Variants in ACOX2 observed in about 807,000 individuals in gnomAD.
The protein encoded by ACOX2 is peroxisomal acyl-coenzyme A oxidase 2.
ACOX2 carries 59 observed loss-of-function variants against 77.5 expected under a neutral mutation model. The observed-to-expected ratio is 0.76, with a 90% CI of 0.62 to 0.95. The LOEUF is 0.95. Among genes scored for constraint, ACOX2 ranks in the 40% least tolerant of loss-of-function variants. The pLI is 0.00. For synonymous variants in ACOX2, 317 were observed against 340.1 expected (o/e 0.93, Z 0.75); for missense variants, 837 against 880.4 (o/e 0.95, Z 0.62).
At chr3:58,536,549 G>GC (rs548456257) in intron 1 of ACOX2, among the ~76,000 whole-genome samples, 275 of 152,188 alleles carry the variant, frequency 1.8e-3, no homozygotes, top group African/African-American at 6.4e-3. Context: ...CCCATCCTCT[G>GC]CCCCCCGGAG....
In ACOX2 at chr3:58,512,382, G is replaced by C. The variant is rs2063294594; in HGVS notation, c.1851-3357C>G. Among the ~76,000 whole-genome samples, 1 of 152,216 alleles carries C rather than the reference G, an allele frequency of 6.6e-6. No individual in the cohort carries two copies. Among genetic ancestry groups the C allele is most frequent in the Non-Finnish European group, 1.5e-5 (1 of 68,046 alleles). ...GGATGATTGCATTAGCGATCCAGCT[G>C]ATCTCCCTGCTTTTCACTCTTAGTT... On this transcript the variant is annotated intron_variant, in intron 13 of 14. Coordinates refer to ENST00000302819, the MANE Select transcript of ACOX2 (RefSeq NM_003500.4). The surrounding 1 kb of genome is among the most constrained non-coding windows in gnomAD (Gnocchi z 4.8).
intron 12 of ACOX2, 83 bp from the exon 13 acceptor site, chr3:58,517,506 A>C: frequency 7.3e-7 from 1 of 1,374,872 alleles, no homozygotes; most frequent in Non-Finnish European, 1.0e-6. Flanking sequence ...AGATGGCTGG[A>C]ATAAACTTGA....
rs142945476 is a variant in ACOX2 at position 58,535,003 on chromosome 3, C to T, written c.104G>A (p.Arg35Gln). 245 of 1,614,184 alleles carry T rather than the reference C, an allele frequency of 1.5e-4. 1 individual carries two copies. The African/African-American group carries it at 1.6e-3, about 10-fold the overall frequency. Reference protein sequence around the residue: ...ERYMQSFDVERLTNILDGGAQ... With the variant: ...ERYMQSFDVEQLTNILDGGAQ... Reference sequence around the variant, plus strand: ...ACCTCCATCAAGGATGTTGGTGAGCCGTTCCACGTCAAAGGACTGCATATA... The same window carrying T: ...ACCTCCATCAAGGATGTTGGTGAGCTGTTCCACGTCAAAGGACTGCATATA... The change falls in exon 2 of 15, where the codon CGG becomes CAG. Residue 35 changes from arginine to glutamine, a missense_variant. By Grantham distance (43) the Arg-to-Gln change is conservative. Transcript: ENST00000302819. This position sits in a 1 kb window ranked among gnomAD's most constrained non-coding sequence, Gnocchi z 4.8.
chr3:58,510,865 C>A, intron 13 of ACOX2: 1 of 409,354 alleles, frequency 2.4e-6, no homozygotes, highest in East Asian at 7.2e-5. Flanking sequence ...ACAATCATAA[C>A]TGGTGTAATA....
In ACOX2 at chr3:58,522,667, T is replaced by C. The variant is rs935838577; in HGVS notation, c.1527-66A>G. 186 of 1,402,994 alleles carry C rather than the reference T, an allele frequency of 1.3e-4. 1 individual carries two copies. The highest frequency in any genetic ancestry group is 2.3e-5 in the Non-Finnish European group (23 of 988,782). The allele number at this position is 1,402,994 out of a possible 1,614,324, so 86.9% of individuals were successfully genotyped here. A position where few individuals can be genotyped will look rare whatever the true frequency, so the allele number is the denominator to read the frequency against. Reference sequence around the variant, plus strand: ...TGGAAAAGACAACTGATGGGCTTCCTGTGGTCCCTCAGAAGTAGAAATAAT... The same window carrying C: ...TGGAAAAGACAACTGATGGGCTTCCCGTGGTCCCTCAGAAGTAGAAATAAT... On this transcript the variant is annotated intron_variant, in intron 11 of 14. Transcript: ENST00000302819. This position sits in a 1 kb window ranked among gnomAD's most constrained non-coding sequence, Gnocchi z 4.3.
intron 12 of ACOX2, among the ~76,000 whole-genome samples, chr3:58,517,844 G>T (rs1289226456): frequency 2.0e-5 from 3 of 152,104 alleles, no homozygotes; most frequent in Admixed American, 6.5e-5. Context: ...GGAGGCCAAG[G>T]TGGGTGGATC....
rs987637652 is a variant in ACOX2 at position 58,514,691 on chromosome 3, G to A, written c.1850+2515C>T. ...GAGTAAGTTGGCAGATTGCATCTGG[G>A]CTGTCTGTCTTGTCTTGAATTGTAA... On this transcript the variant is annotated intron_variant, in intron 13 of 14. Coordinates refer to ENST00000302819, the MANE Select transcript of ACOX2 (RefSeq NM_003500.4). This position sits in a 1 kb window ranked among gnomAD's most constrained non-coding sequence, Gnocchi z 4.3. Among the ~76,000 whole-genome samples the A allele has an allele frequency of 6.6e-6, 1 of 152,216 alleles. No homozygotes were observed. Among genetic ancestry groups the A allele is most frequent in the African/African-American group, 2.4e-5 (1 of 41,446 alleles).
At position 58,515,127 on chromosome 3, in the gene ACOX2, G is replaced by A. The variant is rs1219229467; in HGVS notation, c.1850+2079C>T. On this transcript the variant is annotated intron_variant, in intron 13 of 14. Coordinates refer to ENST00000302819, the MANE Select transcript of ACOX2 (RefSeq NM_003500.4). The surrounding 1 kb of genome is among the most constrained non-coding windows in gnomAD (Gnocchi z 4.0). ...CAGCCTCTGCCTCCCGGGTTCAAGC[G>A]ATTCTGCCTCAGCCTCCCAAGTAAC... is the stretch of plus-strand genomic sequence containing the variant. 1.3e-5 allele frequency among the ~76,000 whole-genome samples: 2 copies of A among 151,998 alleles called. No homozygotes were observed. The highest frequency in any genetic ancestry group is 2.4e-5 in the African/African-American group (1 of 41,380).
In ACOX2 at chr3:58,508,922, A is replaced by T. The variant is rs1410605029; in HGVS notation, c.1954T>A (p.Trp652Arg). The change falls in exon 14 of 15, where the codon TGG (tryptophan) becomes AGG (arginine). Residue 652 changes from tryptophan to arginine, a missense_variant. By Grantham distance (101) the Trp-to-Arg change is moderately radical. Transcript: ENST00000302819. ...DGNVYERLFQ[W>R]AQKSPTNTQE... ...GTATTGGTTGGTGACTTCTGAGCCC[A>T]CTGGAACAGGCGTTCGTAGACGTTT... is the stretch of plus-strand genomic sequence containing the variant. 1.9e-6 allele frequency: 3 copies of T among 1,614,216 alleles called. No homozygotes were observed. In the South Asian group the frequency reaches 3.3e-5, roughly 18 times the overall value.
intron 12 of ACOX2, among the ~76,000 whole-genome samples, chr3:58,518,164 G>C (rs545897928): frequency 2.0e-5 from 3 of 151,808 alleles, no homozygotes; most frequent in Non-Finnish European, 4.4e-5. Context: ...GTGTGTGTGC[G>C]TGCACATGTG....
chr3:58,534,107 A>C lies in ACOX2; in HGVS notation c.362T>G (p.Val121Gly). Residue 121 changes from valine (V) to glycine (G), a missense_variant, in exon 4 of 15, where the codon GTC becomes GGC. Coordinates refer to ENST00000302819, the MANE Select transcript of ACOX2 (RefSeq NM_003500.4). The surrounding 1 kb of genome is among the most constrained non-coding windows in gnomAD (Gnocchi z 4.8). The stretch of plus-strand genomic sequence containing the variant: ...CAGGCTCCTGAGGGCTCTCACGAAG[A>C]CTCTGTGTATATTTAAGGCCACGTC... ...SGDVALNIHR[V>G]FVRALRSLGS... The C allele has an allele frequency of 6.2e-7, 1 of 1,613,876 alleles. No homozygotes were observed. The highest frequency in any genetic ancestry group is 8.5e-7 in the Non-Finnish European group (1 of 1,179,964).
Position 58,535,119 on chromosome 3 carries a change from C to T in ACOX2, c.-13G>A. ...CTGGGCTGCCCATCCTATCCTGGATCTGTCTGGTGACTATGGAGAGACACT... is the reference window on the plus strand; with the variant it reads ...CTGGGCTGCCCATCCTATCCTGGATTTGTCTGGTGACTATGGAGAGACACT... On this transcript the variant is annotated 5_prime_UTR_variant, in exon 2 of 15. Transcript: ENST00000302819. This position sits in a 1 kb window ranked among gnomAD's most constrained non-coding sequence, Gnocchi z 4.8. The T allele has an allele frequency of 6.2e-7, 1 of 1,614,172 alleles. No individual in the cohort carries two copies. The highest frequency in any genetic ancestry group is 1.1e-5 in the South Asian group (1 of 91,072).
In ACOX2 at chr3:58,508,541, C is replaced by T. The variant is rs558400806; in HGVS notation, c.1983+352G>A. On this transcript the variant is annotated intron_variant, in intron 14 of 14. Coordinates refer to ENST00000302819, the MANE Select transcript of ACOX2 (RefSeq NM_003500.4). ...GCTGAAAATAAGGTGGTTCAATTAC[C>T]GCAGTGATTTATCTCCTTCTTTTTG... Among the ~76,000 whole-genome samples the T allele has an allele frequency of 3.3e-5, 5 of 152,248 alleles. No individual in the cohort carries two copies. The South Asian group carries it at 1.0e-3, about 32-fold the overall frequency.
chr3:58,514,965 C>T lies in ACOX2; in HGVS notation c.1850+2241G>A, dbSNP rs539440187. ...TCCCTGTATTAGGGAAAGTTTTATA[C>T]CTGGGACATAATTGTGTCAAACGTA... On this transcript the variant is annotated intron_variant, in intron 13 of 14. Transcript: ENST00000302819. This position sits in a 1 kb window ranked among gnomAD's most constrained non-coding sequence, Gnocchi z 4.3. Among the ~76,000 whole-genome samples, 1 of 152,216 alleles carries T rather than the reference C, an allele frequency of 6.6e-6. No homozygotes were observed. Among genetic ancestry groups the T allele is most frequent in the East Asian group, 1.9e-4 (1 of 5,188 alleles).
In ACOX2 at chr3:58,530,608, C is replaced by A. The variant is rs143508132; in HGVS notation, c.850G>T (p.Gly284Cys). 5 of 1,614,016 alleles carry A rather than the reference C, an allele frequency of 3.1e-6. No individual in the cohort carries two copies. Among genetic ancestry groups the A allele is most frequent in the Non-Finnish European group, 8.5e-7 (1 of 1,180,024 alleles). Reference sequence around the variant, plus strand: ...GGAAGGTAGTTGCTCTGTGCTGTACCGAGTTTGACGTAGGTGCCATCTGGC... The same window carrying A: ...GGAAGGTAGTTGCTCTGTGCTGTACAGAGTTTGACGTAGGTGCCATCTGGC... ...VLPDGTYVKLGTAQSNYLPMV... is the reference protein window; with the variant it reads ...VLPDGTYVKLCTAQSNYLPMV... The change falls in exon 8 of 15, where the codon GGT becomes TGT. Residue 284 changes from glycine to cysteine, a missense_variant. Gly to Cys is a radical substitution (Grantham distance 159). Coordinates refer to ENST00000302819, the MANE Select transcript of ACOX2 (RefSeq NM_003500.4).
chr3:58,530,762 T>G, intron 7 of ACOX2, 124 bp from the exon 8 acceptor site: 1 of 1,240,590 alleles, frequency 8.1e-7, no homozygotes, highest in Non-Finnish European at 1.1e-6. Context: ...CATCTGGAGT[T>G]GGAGTGTTAA....
In ACOX2 at chr3:58,530,506, G is replaced by A. The variant is rs201115263; in HGVS notation, c.952C>T (p.Arg318Cys). Residue 318 changes from arginine (R) to cysteine (C), a missense_variant, in exon 8 of 15, where the codon CGC becomes TGC. Arg to Cys is a radical substitution (Grantham distance 180). Transcript: ENST00000302819. ...GATTGGCGGCGGATGACCGAGTAGC[G>A]CATGGCGATGACACAGGCCTTCTGC... ...ILQKACVIAMRYSVIRRQSRL... is the reference protein window; with the variant it reads ...ILQKACVIAMCYSVIRRQSRL... 14 of 1,614,248 alleles carry A rather than the reference G, an allele frequency of 8.7e-6. No individual in the cohort carries two copies. The highest frequency in any genetic ancestry group is 3.3e-5 in the Admixed American group (2 of 60,034).
Position 58,531,481 on chromosome 3 carries a change from T to A in ACOX2, c.704-115A>T. 1 of 1,237,036 alleles carries A rather than the reference T, an allele frequency of 8.1e-7. No homozygotes were observed. The highest frequency in any genetic ancestry group is 1.4e-5 in the South Asian group (1 of 69,794). 76.6% of individuals were successfully genotyped at this position (1,237,036 alleles called of 1,614,324 possible). A position where few individuals can be genotyped will look rare whatever the true frequency, so the allele number is the denominator to read the frequency against. Reference sequence around the variant, plus strand: ...CCTGTGACACTGGGATTATTGTACCTATTTTGCAGGTGAACAAGCTGAGGT... The same window carrying A: ...CCTGTGACACTGGGATTATTGTACCAATTTTGCAGGTGAACAAGCTGAGGT... On this transcript the variant is annotated intron_variant, in intron 6 of 14. Coordinates refer to ENST00000302819, the MANE Select transcript of ACOX2 (RefSeq NM_003500.4). This position sits in a 1 kb window ranked among gnomAD's most constrained non-coding sequence, Gnocchi z 5.8.
At position 58,524,542 on chromosome 3, in the gene ACOX2, G is replaced by A. The variant is rs1217781430; in HGVS notation, c.1410C>T (p.Leu470=). The A allele has an allele frequency of 1.2e-6, 2 of 1,614,224 alleles. No homozygotes were observed. Among genetic ancestry groups the A allele is most frequent in the Admixed American group, 1.7e-5 (1 of 60,032 alleles). Residue 470 remains leucine (L), a synonymous_variant, in exon 11 of 15, where the codon CTC becomes CTT. Transcript: ENST00000302819. This position sits in a 1 kb window ranked among gnomAD's most constrained non-coding sequence, Gnocchi z 5.5. ...MSPGSTPQRS[L]SPSVAYLTAP... ...CGGTGAGATATGCGACAGATGGAGA[G>A]AGAGATCTCTGTGGCGTGGAGCCAG...
Sources: allele counts gnomAD v4.1 joint callset (sites outside exome capture counted in the v4.1 genomes callset), GRCh38; gene constraint gnomAD v4.1.1; non-coding constraint Gnocchi (gnomAD v3.1); transcripts MANE v1.5; gene names NCBI Gene and HGNC (gene_info 2026-07-23, HGNC 2026-07-21).